Variants in SORCS2 observed in about 807,000 individuals in gnomAD.
The protein encoded by SORCS2 is VPS10 domain-containing receptor SorCS2.
Under a neutral mutation model 141.6 loss-of-function variants are expected in SORCS2, and 100 were observed. The ratio of observed to expected loss-of-function variants is 0.71; its 90% CI spans 0.60 to 0.83. The LOEUF (loss-of-function observed/expected upper bound fraction) is 0.83. SORCS2 is among the 40% of genes least tolerant of loss of function. The pLI is 0.00. For missense variants in SORCS2, 1,646 were observed against 1,560.2 expected (o/e 1.05, Z -0.93); for synonymous variants, 789 against 676.9 (o/e 1.17, Z -2.57).
chr4:7,495,104 C>G (rs545167685), intron 2 of SORCS2, among the ~76,000 whole-genome samples: 28 of 152,372 alleles, frequency 1.8e-4, no homozygotes, highest in East Asian at 9.7e-4. Flanking sequence ...GCAACGGTGC[C>G]TGTCAGCGGT....
chr4:7,724,262 ATGG>A (rs1386586683), intron 19 of SORCS2, among the ~76,000 whole-genome samples: 2 of 138,100 alleles, frequency 1.4e-5, no homozygotes, highest in African/African-American at 3.0e-5. Context: ...GGTGTTGGTG[ATGG>A]TGATGATGGT....
chr4:7,443,720 T>C lies in SORCS2; in HGVS notation c.548+47365T>C, dbSNP rs147673914. On this transcript the variant is annotated intron_variant, in intron 2 of 26. Transcript: ENST00000507866. ...CACACCTCCAGAGTCAGAAACCTTCTTTCCGAGGCCTCAGCACCTTGGCGT... is the reference window on the plus strand; with the variant it reads ...CACACCTCCAGAGTCAGAAACCTTCCTTCCGAGGCCTCAGCACCTTGGCGT... Among the ~76,000 whole-genome samples the C allele has an allele frequency of 3.9e-3, 596 of 152,376 alleles. 2 individuals carry two copies. The highest frequency in any genetic ancestry group is 0.031 in the Middle Eastern group (9 of 294).
chr4:7,694,098 T>C (rs918295796), intron 11 of SORCS2, among the ~76,000 whole-genome samples: 5 of 152,010 alleles, frequency 3.3e-5, no homozygotes, highest in Non-Finnish European at 5.9e-5. Context: ...GTGGGGTAGA[T>C]TTTGGTGTGT....
chr4:7,601,675 G>GT (rs34542178), intron 3 of SORCS2, among the ~76,000 whole-genome samples: 39,634 of 145,534 alleles, frequency 0.27, 6,526 homozygotes, highest in East Asian at 0.67. Context: ...TTGTTTGTTT[G>GT]TTTTTTTAGT....
intron 1 of SORCS2, among the ~76,000 whole-genome samples, chr4:7,334,298 C>A (rs1560200148): frequency 1.3e-5 from 2 of 152,122 alleles, no homozygotes; most frequent in South Asian, 4.1e-4. Context: ...CCTCCTCCTT[C>A]CCCAGCCTGC....
intron 2 of SORCS2, among the ~76,000 whole-genome samples, chr4:7,427,685 G>T (rs1021003814): frequency 3.9e-5 from 6 of 152,074 alleles, no homozygotes; most frequent in African/African-American, 9.7e-5. Flanking sequence ...TTCCAGTCAT[G>T]ATGGGAGGGA....
chr4:7,301,534 C>T (rs1391829206), intron 1 of SORCS2, among the ~76,000 whole-genome samples: 1 of 152,206 alleles, frequency 6.6e-6, no homozygotes, highest in Non-Finnish European at 1.5e-5. Flanking sequence ...TGAGTATGGG[C>T]CCACATTGGC....
chr4:7,224,548 A>G (rs1457492179), intron 1 of SORCS2, among the ~76,000 whole-genome samples: 1 of 152,176 alleles, frequency 6.6e-6, no homozygotes, highest in Non-Finnish European at 1.5e-5. Context: ...GGGGGAGTGT[A>G]TTAGGTGCTA....
Position 7,234,543 on chromosome 4 carries a change from G to A in SORCS2, c.480+41417G>A, listed in dbSNP as rs545028095. 3.9e-5 allele frequency among the ~76,000 whole-genome samples: 6 copies of A among 152,350 alleles called. No homozygotes were observed. In the South Asian group the frequency reaches 1.2e-3, roughly 32 times the overall value. On this transcript the variant is annotated intron_variant, in intron 1 of 26. Coordinates refer to ENST00000507866, the MANE Select transcript of SORCS2 (RefSeq NM_020777.3). ...CGGCCGACGTGGCCACATAGCCCAG[G>A]GCTGGGAGGCTGATGCTCTCGCCCT...
chr4:7,380,877 A>T (rs903626539), intron 1 of SORCS2, among the ~76,000 whole-genome samples: 1 of 152,150 alleles, frequency 6.6e-6, no homozygotes, highest in Non-Finnish European at 1.5e-5. Context: ...CGATGTTGAG[A>T]TCAAGGCCAG....
chr4:7,661,642 A>G, intron 6 of SORCS2, 78 bp downstream of exon 6: 1 of 1,372,044 alleles, frequency 7.3e-7, no homozygotes, highest in Admixed American at 2.0e-5. Context: ...ACGTGTGTTC[A>G]GTCGCTTGTC....
chr4:7,361,083 T>G (rs992417870), intron 1 of SORCS2, among the ~76,000 whole-genome samples: 11 of 152,238 alleles, frequency 7.2e-5, no homozygotes, highest in Non-Finnish European at 1.6e-4. Context: ...TTTGTCAAGC[T>G]CTGCCCGGCA....
intron 1 of SORCS2, among the ~76,000 whole-genome samples, chr4:7,383,406 G>A (rs555482034): frequency 2.0e-5 from 3 of 152,184 alleles, no homozygotes; most frequent in Non-Finnish European, 4.4e-5. Flanking sequence ...GCAAGAGGCA[G>A]CGCTTCCTTT....
At chr4:7,366,713 T>A (rs191303573) in intron 1 of SORCS2, among the ~76,000 whole-genome samples, 106 of 152,120 alleles carry the variant, frequency 7.0e-4, no homozygotes, top group Non-Finnish European at 2.5e-4. Context: ...CTCCATGATG[T>A]TTGTCACCAT....
chr4:7,485,878 C>T (rs962262337), intron 2 of SORCS2, among the ~76,000 whole-genome samples: 42 of 152,216 alleles, frequency 2.8e-4, no homozygotes, highest in South Asian at 1.0e-3. Context: ...AGGCTCAGGG[C>T]GGGTAGACAG....
intron 8 of SORCS2, among the ~76,000 whole-genome samples, chr4:7,670,483 T>C (rs1482517030): frequency 6.6e-6 from 1 of 152,146 alleles, no homozygotes; most frequent in African/African-American, 2.4e-5. Context: ...ATAAATGTAT[T>C]TAAAGTAAAA....
intron 3 of SORCS2, among the ~76,000 whole-genome samples, chr4:7,556,580 A>G (rs1446429579): frequency 2.0e-5 from 3 of 152,166 alleles, no homozygotes; most frequent in Admixed American, 2.0e-4. Context: ...CACTTTTCAT[A>G]AGAGTATATG....
chr4:7,730,387 G>A (rs543214797), intron 23 of SORCS2, among the ~76,000 whole-genome samples: 12 of 152,256 alleles, frequency 7.9e-5, no homozygotes, highest in Non-Finnish European at 1.6e-4. Context: ...CTAAGTTACC[G>A]CATGACCCAG....
At chr4:7,498,655 C>G (rs755780055) in intron 2 of SORCS2, among the ~76,000 whole-genome samples, 56 of 152,224 alleles carry the variant, frequency 3.7e-4, no homozygotes, top group Non-Finnish European at 7.3e-4. Context: ...CCTCATTGCT[C>G]TAAGCCCCTG....
Sources: allele counts gnomAD v4.1 joint callset (sites outside exome capture counted in the v4.1 genomes callset), GRCh38; gene constraint gnomAD v4.1.1; transcripts MANE v1.5; gene names NCBI Gene and HGNC (gene_info 2026-07-23, HGNC 2026-07-21).